The following IRAG1 variants were observed in gnomAD, a reference collection of about 807,000 sequenced individuals.
The protein encoded by IRAG1 is inositol 1,4,5-triphosphate receptor associated 1, also known as IP3R-associated cGMP kinase substrate.
A neutral mutation model predicts 106.2 loss-of-function variants in IRAG1; 62 were observed. The observed-to-expected ratio is 0.58, with a 90% CI of 0.48 to 0.72. IRAG1 has a LOEUF of 0.72. IRAG1 is among the 30% of genes least tolerant of loss of function. The pLI is 0.00. For missense variants in IRAG1, 1,064 were observed against 1,140.7 expected (o/e 0.93, Z 0.97); for synonymous variants, 462 against 443.9 (o/e 1.04, Z -0.51).
At chr11:10,604,049 G>A (rs563654517) in intron 13 of IRAG1, among the ~76,000 whole-genome samples, 19 of 152,162 alleles carry the variant, frequency 1.2e-4, no homozygotes, top group Non-Finnish European at 2.2e-4. Context: ...CCCCATCCAG[G>A]CTGAGAGAAG....
intron 2 of IRAG1, among the ~76,000 whole-genome samples, chr11:10,635,434 C>T (rs1376931594): frequency 6.6e-6 from 1 of 152,216 alleles, no homozygotes. Flanking sequence ...TGCCCACTGT[C>T]TCTATTGCCA....
intron 17 of IRAG1, among the ~76,000 whole-genome samples, chr11:10,592,519 T>C (rs1442464299): frequency 2.6e-5 from 4 of 152,234 alleles, no homozygotes; most frequent in South Asian, 2.1e-4. Flanking sequence ...TGGTATTACA[T>C]AGAGCTTGAA....
chr11:10,593,901 G>T, intron 16 of IRAG1: 1 of 574,678 alleles, frequency 1.7e-6, no homozygotes, highest in Non-Finnish European at 3.1e-6. Flanking sequence ...CAAGCTGCCT[G>T]TAGCAATATG....
chr11:10,672,066 G>C (rs192543131), intron 1 of IRAG1, among the ~76,000 whole-genome samples: 43 of 152,316 alleles, frequency 2.8e-4, no homozygotes, highest in African/African-American at 9.4e-4. Flanking sequence ...ATAGTTAATT[G>C]ATTTCAACAA....
intron 2 of IRAG1, among the ~76,000 whole-genome samples, chr11:10,651,019 T>G (rs560280926): frequency 1.3e-5 from 2 of 152,222 alleles, no homozygotes; most frequent in African/African-American, 4.8e-5. Context: ...ACTTATAGAT[T>G]CTTCCCTCAC....
At chr11:10,648,366 A>G (rs1241607430) in intron 2 of IRAG1, among the ~76,000 whole-genome samples, 1 of 152,224 alleles carries the variant, frequency 6.6e-6, no homozygotes, top group African/African-American at 2.4e-5. Flanking sequence ...TCTGTCTCAA[A>G]AATACAAAGA....
intron 1 of IRAG1, among the ~76,000 whole-genome samples, chr11:10,686,560 G>GC (rs1158124747): frequency 6.6e-6 from 1 of 152,186 alleles, no homozygotes; most frequent in Non-Finnish European, 1.5e-5. Flanking sequence ...CCAGTGCCCT[G>GC]CCCCGAGAGC....
intron 18 of IRAG1, among the ~76,000 whole-genome samples, chr11:10,583,214 C>CA (rs1216213852): frequency 1.3e-5 from 2 of 152,044 alleles, no homozygotes; most frequent in African/African-American, 4.8e-5. Flanking sequence ...TATTTAAAGC[C>CA]ACGGGGATAG....
intron 15 of IRAG1, among the ~76,000 whole-genome samples, chr11:10,597,256 A>C (rs750325911): frequency 6.6e-6 from 1 of 152,136 alleles, no homozygotes; most frequent in Non-Finnish European, 1.5e-5. Context: ...CATTTTGAGG[A>C]GTTCTATTTT....
chr11:10,626,152 G>A lies in IRAG1; in HGVS notation c.1182C>T (p.Ser394=). Residue 394 remains serine (S), a synonymous_variant, in exon 9 of 21, where the codon TCC becomes TCT. Transcript: ENST00000423302. ...VSRPPLLRGL[S]WDSGPEEPGP... ...CAGGTTCTTCAGGGCCACTGTCCCAGGAGAGCCCTCGCAGCAGCGGGGGCC... is the reference window on the plus strand; with the variant it reads ...CAGGTTCTTCAGGGCCACTGTCCCAAGAGAGCCCTCGCAGCAGCGGGGGCC... 6.5e-7 allele frequency: 1 copy of A among 1,541,718 alleles called. No homozygotes were observed. Among genetic ancestry groups the A allele is most frequent in the Non-Finnish European group, 8.7e-7 (1 of 1,143,794 alleles).
chr11:10,624,166 C>G (rs2134549323), intron 9 of IRAG1, among the ~76,000 whole-genome samples: 1 of 152,290 alleles, frequency 6.6e-6, no homozygotes, highest in Middle Eastern at 3.4e-3. Context: ...CTCACTGTGG[C>G]TGAGGTTTGC....
intron 11 of IRAG1, among the ~76,000 whole-genome samples, chr11:10,609,440 A>G (rs1404630115): frequency 1.3e-5 from 2 of 152,274 alleles, no homozygotes; most frequent in Admixed American, 1.3e-4. Context: ...ATTGAAACCC[A>G]TGTCTCCTGG....
chr11:10,639,383 C>A (rs1857357624), intron 2 of IRAG1, among the ~76,000 whole-genome samples: 1 of 152,192 alleles, frequency 6.6e-6, no homozygotes, highest in Non-Finnish European at 1.5e-5. Flanking sequence ...ACCTCATGCT[C>A]CTAACAGTCT....
intron 1 of IRAG1, among the ~76,000 whole-genome samples, chr11:10,673,103 T>TA (rs2135124460): frequency 6.6e-6 from 1 of 152,118 alleles, no homozygotes; most frequent in African/African-American, 2.4e-5. Flanking sequence ...GCCAACATGG[T>TA]AAAATCCCGT....
chr11:10,663,494 C>T (rs1011188242), intron 1 of IRAG1, among the ~76,000 whole-genome samples: 1 of 152,156 alleles, frequency 6.6e-6, no homozygotes, highest in Non-Finnish European at 1.5e-5. Flanking sequence ...TTGTTGAGTG[C>T]TTCCTATGTG....
At chr11:10,687,004 C>T (rs1025657540) in intron 1 of IRAG1, among the ~76,000 whole-genome samples, 1 of 152,210 alleles carries the variant, frequency 6.6e-6, no homozygotes, top group African/African-American at 2.4e-5. Context: ...AATTCATCGC[C>T]GCAGAAACTT....
In IRAG1 at chr11:10,625,978, G is replaced by C. The variant is rs1299128227; in HGVS notation, c.1356C>G (p.Thr452=). 1.4e-6 allele frequency: 2 copies of C among 1,480,952 alleles called. No homozygotes were observed. The allele number at this position is 1,480,952 out of a possible 1,614,324, so 91.7% of individuals were successfully genotyped here. The change falls in exon 9 of 21, where the codon ACC becomes ACG. Residue 452 remains threonine (T), a synonymous_variant. Transcript: ENST00000423302. ...QVQPVRMQKL[T]KLREEHILMR... ...CCCAGGAACCCACCTCTCGGAGCTT[G>C]GTCAGTTTCTGCATCCGCACGGGCT...
chr11:10,687,529 C>T (rs1304822573), intron 1 of IRAG1: 6 of 542,718 alleles, frequency 1.1e-5, no homozygotes, highest in Non-Finnish European at 1.6e-5. Context: ...AAACACTTTC[C>T]AACACCAGCT....
intron 2 of IRAG1, among the ~76,000 whole-genome samples, chr11:10,645,419 C>T (rs767157477): frequency 2.6e-5 from 4 of 152,250 alleles, no homozygotes; most frequent in Non-Finnish European, 5.9e-5. Flanking sequence ...GTATCCTGAT[C>T]TGTGAAATGT....
Sources: allele counts gnomAD v4.1 joint callset (sites outside exome capture counted in the v4.1 genomes callset), GRCh38; gene constraint gnomAD v4.1.1; transcripts MANE v1.5; gene names NCBI Gene and HGNC (gene_info 2026-07-23, HGNC 2026-07-21).